The following CNTNAP2 variants were observed in gnomAD, a reference collection of about 807,000 sequenced individuals.
CNTNAP2 encodes the protein contactin associated protein 2.
Under a neutral mutation model 155.2 loss-of-function variants are expected in CNTNAP2, and 98 were observed. The ratio of observed to expected loss-of-function variants is 0.63; its 90% CI spans 0.54 to 0.75. The LOEUF (loss-of-function observed/expected upper bound fraction) is 0.75, where lower values mean the gene tolerates loss of function less well. CNTNAP2 is among the 30% of genes least tolerant of loss of function. The pLI, the probability that CNTNAP2 is intolerant of heterozygous loss-of-function variation, is 0.00. For missense variants in CNTNAP2, 1,727 were observed against 1,688.1 expected (o/e 1.02, Z -0.40); for synonymous variants, 651 against 631.2 (o/e 1.03, Z -0.47).
intron 8 of CNTNAP2, among the ~76,000 whole-genome samples, chr7:147,213,681 A>T (rs1319922274): frequency 6.6e-6 from 1 of 152,108 alleles, no homozygotes; most frequent in Admixed American, 6.6e-5. Flanking sequence ...ACTAGCTCAC[A>T]TGGTTATGGA....
At chr7:147,787,093 G>A (rs910676041) in intron 13 of CNTNAP2, among the ~76,000 whole-genome samples, 3 of 152,208 alleles carry the variant, frequency 2.0e-5, no homozygotes, top group Non-Finnish European at 4.4e-5. Context: ...GTACAGGGCT[G>A]ATGATGGGAA....
At chr7:147,681,452 A>G (rs1253024871) in intron 13 of CNTNAP2, among the ~76,000 whole-genome samples, 4 of 151,818 alleles carry the variant, frequency 2.6e-5, no homozygotes, top group Admixed American at 6.6e-5. Context: ...TTTTTCCCCC[A>G]TGCTAGATGG....
chr7:148,090,282 G>A (rs866980962), intron 15 of CNTNAP2, among the ~76,000 whole-genome samples: 2 of 152,006 alleles, frequency 1.3e-5, no homozygotes, highest in African/African-American at 4.8e-5. Context: ...AAAAGCTTCT[G>A]CACAACAAAG....
chr7:147,053,361 G>T (rs946457049), intron 4 of CNTNAP2, among the ~76,000 whole-genome samples: 1 of 151,946 alleles, frequency 6.6e-6, no homozygotes, highest in Non-Finnish European at 1.5e-5. Context: ...AGTGTAATTT[G>T]TTTACTTGGA....
chr7:146,491,425 T>C (rs1165353119), intron 1 of CNTNAP2, among the ~76,000 whole-genome samples: 4 of 152,146 alleles, frequency 2.6e-5, no homozygotes, highest in Non-Finnish European at 4.4e-5. Flanking sequence ...GAAAGTAAGT[T>C]TTATTGCCTT....
At chr7:146,636,385 A>C (rs554779776) in intron 1 of CNTNAP2, among the ~76,000 whole-genome samples, 1 of 152,244 alleles carries the variant, frequency 6.6e-6, no homozygotes, top group African/African-American at 2.4e-5. Flanking sequence ...AAACATACAC[A>C]CACATATGAA....
At chr7:148,386,791 G>A (rs1799219620) in intron 22 of CNTNAP2, among the ~76,000 whole-genome samples, 2 of 152,090 alleles carry the variant, frequency 1.3e-5, no homozygotes, top group Non-Finnish European at 2.9e-5. Context: ...GGTGGGCAGG[G>A]GGACCTTATT....
intron 22 of CNTNAP2, among the ~76,000 whole-genome samples, chr7:148,407,781 A>C (rs991875972): frequency 1.3e-5 from 2 of 150,490 alleles, no homozygotes; most frequent in African/African-American, 4.9e-5. Context: ...TGCATCCCCC[A>C]GTTAAAGACT....
Position 146,522,737 on chromosome 7 carries a change from AAATAATATCTATTATTAATATAT to A in CNTNAP2, c.98-251518_98-251496del, listed in dbSNP as rs1433576305. 2.7e-5 allele frequency among the ~76,000 whole-genome samples: 4 copies of A among 150,546 alleles called. No homozygotes were observed. In the Admixed American group the frequency reaches 2.7e-4, roughly 10 times the overall value. ...TTGTGCTAGCAAATAATGTTATGCA[AAATAATATCTATTATTAATATAT>A]AATAATATCTATTATGTTTTAAAAA... On this transcript the variant is annotated intron_variant, in intron 1 of 23. Coordinates refer to ENST00000361727, the MANE Select transcript of CNTNAP2 (RefSeq NM_014141.6).
chr7:147,424,596 C>T (rs959879421), intron 10 of CNTNAP2, among the ~76,000 whole-genome samples: 1 of 152,040 alleles, frequency 6.6e-6, no homozygotes, highest in African/African-American at 2.4e-5. Flanking sequence ...ACACCTACTC[C>T]CTAGGAGATC....
intron 1 of CNTNAP2, among the ~76,000 whole-genome samples, chr7:146,481,176 C>A (rs1312884387): frequency 6.6e-6 from 1 of 152,126 alleles, no homozygotes; most frequent in East Asian, 1.9e-4. Flanking sequence ...TATATTGTAG[C>A]TCATTTGGTA....
intron 9 of CNTNAP2, among the ~76,000 whole-genome samples, chr7:147,386,632 C>T (rs1426084693): frequency 6.6e-6 from 1 of 152,166 alleles, no homozygotes; most frequent in Non-Finnish European, 1.5e-5. Flanking sequence ...GCCTGGATTT[C>T]ATTGTCCATA....
At chr7:147,314,025 A>C (rs1013514506) in intron 9 of CNTNAP2, among the ~76,000 whole-genome samples, 4 of 152,110 alleles carry the variant, frequency 2.6e-5, no homozygotes, top group Admixed American at 6.5e-5. Flanking sequence ...GTTTGAAGCA[A>C]TTGTGAATGG....
intron 1 of CNTNAP2, among the ~76,000 whole-genome samples, chr7:146,385,325 T>G (rs1795445350): frequency 6.6e-6 from 1 of 152,174 alleles, no homozygotes; most frequent in South Asian, 2.1e-4. Flanking sequence ...TACAGAGCCA[T>G]GGCATGGGTA....
intron 21 of CNTNAP2, among the ~76,000 whole-genome samples, chr7:148,313,395 G>A (rs1797630791): frequency 6.6e-6 from 1 of 151,966 alleles, no homozygotes; most frequent in South Asian, 2.1e-4. Context: ...GGGAGTGGCT[G>A]CCAGGTGAGT....
At chr7:146,785,229 C>T (rs1167397272) in intron 2 of CNTNAP2, among the ~76,000 whole-genome samples, 1 of 152,118 alleles carries the variant, frequency 6.6e-6, no homozygotes, top group African/African-American at 2.4e-5. Context: ...CCACCTTGGC[C>T]TCCCAAAGTG....
chr7:146,718,791 T>C (rs1272100198), intron 1 of CNTNAP2, among the ~76,000 whole-genome samples: 3 of 151,678 alleles, frequency 2.0e-5, no homozygotes. Flanking sequence ...AGTAACGGTA[T>C]CTTTCTCCAA....
In CNTNAP2 at chr7:146,683,462, A is replaced by T. The variant is rs921073501; in HGVS notation, c.98-90809A>T. Among the ~76,000 whole-genome samples the T allele has an allele frequency of 8.2e-4, 125 of 152,310 alleles. 1 individual carries two copies. Among genetic ancestry groups the T allele is most frequent in the African/African-American group, 2.9e-3 (121 of 41,568 alleles). On this transcript the variant is annotated intron_variant, in intron 1 of 23. Transcript: ENST00000361727. ...TATCTTCCTTTTGATATTTATAATA[A>T]TTATATTTGAAACTCTCAGAAGACC... is the stretch of plus-strand genomic sequence containing the variant.
chr7:146,794,253 T>C (rs1488936086), intron 2 of CNTNAP2, among the ~76,000 whole-genome samples: 1 of 152,224 alleles, frequency 6.6e-6, no homozygotes, highest in African/African-American at 2.4e-5. Flanking sequence ...TATTATCTCC[T>C]ATCATATCTC....
Sources: gnomAD v4.1 joint callset for allele counts (sites outside exome capture counted in the v4.1 genomes callset) on GRCh38, gnomAD v4.1.1 for gene constraint, MANE v1.5 for transcripts, NCBI Gene and HGNC (gene_info 2026-07-23, HGNC 2026-07-21) for gene names.